Variants in PLCG2 observed in about 807,000 individuals in gnomAD.
The protein encoded by PLCG2 is phospholipase C gamma 2.
In PLCG2, 69 loss-of-function variants were observed where a neutral mutation model predicts 175.6. That is an observed-to-expected ratio of 0.39 (90% CI 0.32 to 0.48). The LOEUF (loss-of-function observed/expected upper bound fraction) is 0.48. Among genes scored for constraint, PLCG2 ranks in the 20% least tolerant of loss-of-function variants. PLCG2 has a pLI of 0.91. For missense variants in PLCG2, 1,798 were observed against 1,650.9 expected (o/e 1.09, Z -1.54); for synonymous variants, 827 against 624.0 (o/e 1.33, Z -4.85).
intron 2 of PLCG2, 75 bp downstream of exon 2, chr16:81,786,257 C>A: frequency 8.7e-7 from 1 of 1,151,902 alleles, no homozygotes; most frequent in Non-Finnish European, 1.3e-6. Flanking sequence ...ACCTTCCTGT[C>A]TTGTCATTAC....
chr16:81,807,764 A>G (rs1436242354), intron 2 of PLCG2, among the ~76,000 whole-genome samples: 2 of 152,154 alleles, frequency 1.3e-5, no homozygotes, highest in Non-Finnish European at 2.9e-5. Context: ...GCATGGCTGG[A>G]GGGGCCCCAG....
At chr16:81,914,020 T>G (rs1323948331) in intron 19 of PLCG2, among the ~76,000 whole-genome samples, 1 of 152,224 alleles carries the variant, frequency 6.6e-6, no homozygotes, top group Non-Finnish European at 1.5e-5. Context: ...TTCTCAGCAT[T>G]GGTGCCTCTG....
intron 5 of PLCG2, among the ~76,000 whole-genome samples, chr16:81,859,614 G>A (rs74515934): frequency 0.14 from 20,986 of 151,000 alleles, 1,685 homozygotes; most frequent in Middle Eastern, 0.2. Context: ...AGCTCACTGC[G>A]AGCTCCGCCT....
chr16:81,955,350 A>T (rs992017522), intron 31 of PLCG2, among the ~76,000 whole-genome samples: 2 of 152,192 alleles, frequency 1.3e-5, no homozygotes, highest in Admixed American at 6.5e-5. Context: ...GTAGCACAGG[A>T]GTCTTTCACT....
intron 30 of PLCG2, among the ~76,000 whole-genome samples, chr16:81,941,647 G>A (rs1411845447): frequency 6.7e-6 from 1 of 150,172 alleles, no homozygotes; most frequent in African/African-American, 2.5e-5. Flanking sequence ...TCATTTGTAA[G>A]AGGCCTGATA....
upstream of PLCG2, among the ~76,000 whole-genome samples, chr16:81,777,052 G>A (rs1305189766): frequency 1.3e-5 from 2 of 152,154 alleles, no homozygotes; most frequent in Non-Finnish European, 2.9e-5. Context: ...TGCCATTTAC[G>A]ATGACCATTA....
At chr16:81,839,107 T>G (rs1905684806) in intron 2 of PLCG2, among the ~76,000 whole-genome samples, 1 of 152,228 alleles carries the variant, frequency 6.6e-6, no homozygotes, top group African/African-American at 2.4e-5. Flanking sequence ...TTTATTATTT[T>G]GCAGTTCCTA....
chr16:81,936,845 A>G (rs1910735763), intron 27 of PLCG2, among the ~76,000 whole-genome samples: 1 of 152,298 alleles, frequency 6.6e-6, no homozygotes, highest in South Asian at 2.1e-4. Context: ...ACCTCTTTCG[A>G]GGGATCTATT....
intron 9 of PLCG2, among the ~76,000 whole-genome samples, chr16:81,885,664 C>G (rs751888184): frequency 1.3e-4 from 20 of 152,202 alleles, no homozygotes; most frequent in Middle Eastern, 3.4e-3. Flanking sequence ...CCTCTTACAG[C>G]TTGTGCAATT....
chr16:81,954,390 A>G (rs1331285825), intron 31 of PLCG2, among the ~76,000 whole-genome samples: 1 of 152,220 alleles, frequency 6.6e-6, no homozygotes, highest in Non-Finnish European at 1.5e-5. Context: ...TTTAAGTTCC[A>G]GGATACAAGT....
rs541473975 is a variant in PLCG2 at position 81,961,796 on chromosome 16, C to T, written c.*3798C>T. 55 of 203,146 alleles carry T rather than the reference C, an allele frequency of 2.7e-4. No homozygotes were observed. Among genetic ancestry groups the T allele is most frequent in the Non-Finnish European group, 4.3e-4 (43 of 99,008 alleles). 12.6% of individuals were successfully genotyped at this position (203,146 alleles called of 1,614,324 possible). A position where few individuals can be genotyped will look rare whatever the true frequency, so the allele number is the denominator to read the frequency against. On this transcript the variant is annotated 3_prime_UTR_variant, in exon 33 of 33. Transcript: ENST00000564138. ...GTTTTATTTAAACATGTAGTGTCTACGGTATGCCAGCACTTTGCAGCTATT... is the reference window on the plus strand; with the variant it reads ...GTTTTATTTAAACATGTAGTGTCTATGGTATGCCAGCACTTTGCAGCTATT...
chr16:81,800,550 C>A (rs988741898), intron 2 of PLCG2, among the ~76,000 whole-genome samples: 4 of 152,038 alleles, frequency 2.6e-5, no homozygotes, highest in African/African-American at 9.7e-5. Context: ...CGATCTCGTT[C>A]CGTTTTATGG....
chr16:81,908,314 G>A, intron 16 of PLCG2, 102 bp from the exon 17 acceptor site: 1 of 1,113,736 alleles, frequency 9.0e-7, no homozygotes, highest in South Asian at 1.5e-5. Flanking sequence ...GCCTCTCTAT[G>A]TTATCTGGTA....
chr16:81,890,406 A>T (rs1365816155), intron 10 of PLCG2, among the ~76,000 whole-genome samples: 8 of 152,220 alleles, frequency 5.3e-5, no homozygotes, highest in Admixed American at 5.2e-4. Flanking sequence ...TAAAGGCAAG[A>T]TAGAGGTTGG....
intron 2 of PLCG2, among the ~76,000 whole-genome samples, chr16:81,834,329 G>A (rs1024750798): frequency 6.6e-6 from 1 of 152,122 alleles, no homozygotes; most frequent in Non-Finnish European, 1.5e-5. Flanking sequence ...TCGGTGTTCT[G>A]CTGGCTGCTG....
chr16:81,900,978 G>T (rs1909125872), intron 14 of PLCG2, among the ~76,000 whole-genome samples, 198 bp downstream of exon 14: 1 of 152,244 alleles, frequency 6.6e-6, no homozygotes, highest in African/African-American at 2.4e-5. Flanking sequence ...GTTGTCACCA[G>T]TCTCTGGGGG....
intron 2 of PLCG2, among the ~76,000 whole-genome samples, chr16:81,809,783 G>A (rs189440451): frequency 3.7e-5 from 5 of 133,402 alleles, no homozygotes; most frequent in African/African-American, 1.4e-4. Flanking sequence ...AGTGTCTGAT[G>A]TCCCAGTTAT....
intron 2 of PLCG2, among the ~76,000 whole-genome samples, chr16:81,811,873 C>T (rs7405096): frequency 1 from 151,508 of 152,226 alleles, 75,398 homozygotes; most frequent in East Asian, 1. Context: ...ACAATCCTTT[C>T]GGTTTATACC....
chr16:81,846,455 C>T (rs1042336287), intron 2 of PLCG2, among the ~76,000 whole-genome samples: 2 of 152,218 alleles, frequency 1.3e-5, no homozygotes, highest in Non-Finnish European at 2.9e-5. Flanking sequence ...GGGAACCAAC[C>T]TATGATAACA....
Sources: allele counts gnomAD v4.1 joint callset (sites outside exome capture counted in the v4.1 genomes callset), GRCh38; gene constraint gnomAD v4.1.1; transcripts MANE v1.5; gene names NCBI Gene and HGNC (gene_info 2026-07-23, HGNC 2026-07-21).